EVC: variants seen among roughly 807,000 people sequenced by gnomAD.
EVC encodes the protein evC complex member EVC.
Under a neutral mutation model 118.9 loss-of-function variants are expected in EVC, and 116 were observed. That is an observed-to-expected ratio of 0.98 (90% CI 0.84 to 1.14). The LOEUF is 1.14. EVC is among the 50% of genes most tolerant of loss of function. The probability of loss-of-function intolerance (pLI) is 0.00; values close to 1 mark genes in which losing one functional copy is unlikely to be tolerated. For synonymous variants in EVC, 619 were observed against 534.7 expected, an observed-to-expected ratio of 1.16 and a Z score of -2.18; for missense variants, 1,401 against 1,246.4, an observed-to-expected ratio of 1.12 and a Z score of -1.87.
intron 11 of EVC, among the ~76,000 whole-genome samples, chr4:5,782,536 GAAAAAAAAAAAAAAA>G (rs71171483): frequency 0.01 from 471 of 45,772 alleles, 14 homozygotes; most frequent in South Asian, 0.035. Flanking sequence ...TGTTTTAAAT[GAAAAAAAAAAAAAAA>G]AAAAAAAAAA....
chr4:5,825,665 C>T, the EVC span: 2 of 1,612,502 alleles, frequency 1.2e-6, no homozygotes, highest in East Asian at 2.2e-5. This position sits in a 1 kb window ranked among gnomAD's most constrained non-coding sequence, Gnocchi z 4.4. Flanking sequence ...AAAACCTAAA[C>T]AGAGGAAGGG....
In EVC at chr4:5,748,147, G is replaced by C. The variant is rs1411502766; in HGVS notation, c.940-1G>C. On this transcript the variant is annotated splice_acceptor_variant, in intron 7 of 20. Coordinates refer to ENST00000264956, the MANE Select transcript of EVC (RefSeq NM_153717.3). LOFTEE classifies it high-confidence loss of function. ...TCTTGCTGCTTGTGCTCATTTCACA[G>C]ATGGAAGCTTTCTGGAAACAGATGG... is the stretch of plus-strand genomic sequence containing the variant. 7.4e-6 allele frequency: 12 copies of C among 1,614,172 alleles called. No homozygotes were observed. Among genetic ancestry groups the C allele is most frequent in the Non-Finnish European group, 1.0e-5 (12 of 1,180,042 alleles).
intron 11 of EVC, among the ~76,000 whole-genome samples, chr4:5,768,417 G>C (rs115381760): frequency 0.022 from 3,360 of 152,192 alleles, 44 homozygotes; most frequent in Middle Eastern, 0.068. Flanking sequence ...AGAAAGCCTG[G>C]AGCTTTGTGT....
intron 11 of EVC, among the ~76,000 whole-genome samples, chr4:5,775,405 C>T (rs961604090): frequency 3.3e-5 from 5 of 152,122 alleles, no homozygotes; most frequent in African/African-American, 1.2e-4. Context: ...CCTCCCTGCT[C>T]CCAGGAGCCA....
chr4:5,735,041 A>G (rs960620808), intron 5 of EVC, among the ~76,000 whole-genome samples: 1 of 152,186 alleles, frequency 6.6e-6, no homozygotes, highest in Non-Finnish European at 1.5e-5. Context: ...ACAGTCCTGG[A>G]GGGAGCGTTC....
chr4:5,767,641 C>G (rs192890756), intron 11 of EVC, among the ~76,000 whole-genome samples: 3 of 151,782 alleles, frequency 2.0e-5, no homozygotes, highest in South Asian at 2.1e-4. Context: ...GCACAGTATG[C>G]GGGTGGGAGT....
At chr4:5,777,383 C>T (rs964387305) in intron 11 of EVC, among the ~76,000 whole-genome samples, 2 of 152,224 alleles carry the variant, frequency 1.3e-5, no homozygotes, top group African/African-American at 4.8e-5. Flanking sequence ...AATGGTTTAC[C>T]AGGCCCCCAC....
At position 5,758,051 on chromosome 4, in the gene EVC, C is replaced by G. The variant is rs779039582; in HGVS notation, c.1563+1689C>G. Reference sequence around the variant, plus strand: ...TAGGTCCTACTGGATTCGGGTGGGCCCTAATTCTAATGGCTGGTGTCCTTA... The same window carrying G: ...TAGGTCCTACTGGATTCGGGTGGGCGCTAATTCTAATGGCTGGTGTCCTTA... On this transcript the variant is annotated intron_variant, in intron 11 of 20. Coordinates refer to ENST00000264956, the MANE Select transcript of EVC (RefSeq NM_153717.3). The G allele has an allele frequency of 1.0e-5, 7 of 702,028 alleles. No homozygotes were observed. The South Asian group carries it at 1.0e-4, about 10-fold the overall frequency. The allele number at this position is 702,028 out of a possible 1,614,324, so 43.5% of individuals were successfully genotyped here. A position where few individuals can be genotyped will look rare whatever the true frequency, so the allele number is the denominator to read the frequency against.
intron 17 of EVC, among the ~76,000 whole-genome samples, 176 bp from the exon 18 acceptor site, chr4:5,808,025 G>C (rs1716205246): frequency 6.6e-6 from 1 of 152,192 alleles, no homozygotes; most frequent in Non-Finnish European, 1.5e-5. Context: ...TTGATGGAGA[G>C]GCAGCCTGCC....
chr4:5,776,574 C>T (rs1734749485), intron 11 of EVC, among the ~76,000 whole-genome samples: 2 of 152,162 alleles, frequency 1.3e-5, no homozygotes, highest in African/African-American at 2.4e-5. Context: ...ATTTCATTAT[C>T]TCTTCAAATA....
intron 20 of EVC, 114 bp from the exon 21 acceptor site, chr4:5,810,834 TAAAAA>T: frequency 2.1e-6 from 2 of 972,898 alleles, no homozygotes; most frequent in Non-Finnish European, 3.2e-6. Context: ...CATGTCAAAG[TAAAAA>T]TTGTTTTGAT....
chr4:5,816,208 T>G (rs992121409), downstream of EVC, among the ~76,000 whole-genome samples: 1 of 152,176 alleles, frequency 6.6e-6, no homozygotes, highest in Non-Finnish European at 1.5e-5. Flanking sequence ...CCCACCGACA[T>G]AGCCTGCAGT....
chr4:5,760,630 G>T (rs1731861012), intron 11 of EVC, among the ~76,000 whole-genome samples: 1 of 152,160 alleles, frequency 6.6e-6, no homozygotes, highest in Admixed American at 6.5e-5. Context: ...TCAGCTCACT[G>T]CAACCTCCGC....
the EVC span, among the ~76,000 whole-genome samples, chr4:5,824,117 G>A: frequency 6.6e-6 from 1 of 152,174 alleles, no homozygotes; most frequent in African/African-American, 2.4e-5. Flanking sequence ...AGAACAACGG[G>A]GAGGAGGATT....
chr4:5,798,506 C>A lies in EVC; in HGVS notation c.2098-80C>A, dbSNP rs1714381596. 7.0e-7 allele frequency: 1 copy of A among 1,427,822 alleles called. No homozygotes were observed. Among genetic ancestry groups the A allele is most frequent in the Non-Finnish European group, 9.6e-7 (1 of 1,036,884 alleles). The allele number at this position is 1,427,822 out of a possible 1,614,324, so 88.4% of individuals were successfully genotyped here. ...CCAACCCCTGGGCCCTGGATAGGACCAGCCCCACATCCCAGTCCTGGCCAG... is the reference window on the plus strand; with the variant it reads ...CCAACCCCTGGGCCCTGGATAGGACAAGCCCCACATCCCAGTCCTGGCCAG... On this transcript the variant is annotated intron_variant, in intron 14 of 20. Coordinates refer to ENST00000264956, the MANE Select transcript of EVC (RefSeq NM_153717.3). The surrounding 1 kb of genome is among the most constrained non-coding windows in gnomAD (Gnocchi z 4.1).
chr4:5,775,106 T>C (rs1734521378), intron 11 of EVC, among the ~76,000 whole-genome samples: 1 of 152,078 alleles, frequency 6.6e-6, no homozygotes, highest in Non-Finnish European at 1.5e-5. Context: ...AAGAAAAAGG[T>C]TTGTCCCAAC....
Position 5,748,267 on chromosome 4 carries a change from C to A in EVC, c.1059C>A (p.Ala353=), listed in dbSNP as rs756025432. 4 of 1,613,952 alleles carry A rather than the reference C, an allele frequency of 2.5e-6. No homozygotes were observed. In the African/African-American group the frequency reaches 5.3e-5, roughly 22 times the overall value. Residue 353 remains alanine, a synonymous_variant, in exon 8 of 21, where the codon GCC becomes GCA. Coordinates refer to ENST00000264956, the MANE Select transcript of EVC (RefSeq NM_153717.3). Reference sequence around the variant, plus strand: ...CTCTGACGGAAAGAATGATTGCAGCCGAAGGGCTATTGTGCGATTCTCAGG... The same window carrying A: ...CTCTGACGGAAAGAATGATTGCAGCAGAAGGGCTATTGTGCGATTCTCAGG... ...MMTLTERMIA[A]EGLLCDSQEL...
rs760988879 is a variant in EVC, at chr4:5,755,719, CCTT to C, written c.1465-542_1465-540del. On this transcript the variant is annotated intron_variant, in intron 10 of 20. Transcript: ENST00000264956. This position sits in a 1 kb window ranked among gnomAD's most constrained non-coding sequence, Gnocchi z 4.1. Reference sequence around the variant, plus strand: ...CCCTGAGAAGGGTCTGTTCCTCTGTCCTTCTGCCCCACCTCGCCCCTCGCTGAT... The same window carrying C: ...CCCTGAGAAGGGTCTGTTCCTCTGTCCTGCCCCACCTCGCCCCTCGCTGAT... Among the ~76,000 whole-genome samples, 2 of 152,184 alleles carry C rather than the reference CCTT, an allele frequency of 1.3e-5. No homozygotes were observed. Among genetic ancestry groups the C allele is most frequent in the African/African-American group, 4.8e-5 (2 of 41,446 alleles).
At chr4:5,774,104 A>G (rs747852909) in intron 11 of EVC, among the ~76,000 whole-genome samples, 27 of 151,738 alleles carry the variant, frequency 1.8e-4, no homozygotes, top group Non-Finnish European at 3.7e-4. Flanking sequence ...GGTCCTTCGT[A>G]TGGTGTTGGC....
Sources: allele counts gnomAD v4.1 joint callset (sites outside exome capture counted in the v4.1 genomes callset), GRCh38; gene constraint gnomAD v4.1.1; non-coding constraint Gnocchi (gnomAD v3.1); transcripts MANE v1.5; gene names NCBI Gene and HGNC (gene_info 2026-07-23, HGNC 2026-07-21).